The following DENND1B variants were observed in gnomAD, a reference collection of about 807,000 sequenced individuals.
DENND1B encodes the protein DENN domain containing 1B.
In DENND1B, 59 loss-of-function variants were observed where a neutral mutation model predicts 90.1. The ratio of observed to expected loss-of-function variants is 0.65; its 90% CI spans 0.53 to 0.81. DENND1B has a LOEUF of 0.81. DENND1B is among the 40% of genes least tolerant of loss of function. The probability of loss-of-function intolerance (pLI) is 0.00; values close to 1 mark genes in which losing one functional copy is unlikely to be tolerated. For synonymous variants in DENND1B, 337 were observed against 324.6 expected, an observed-to-expected ratio of 1.04 and a Z score of -0.41; for missense variants, 862 against 912.6, an observed-to-expected ratio of 0.94 and a Z score of 0.71.
intron 12 of DENND1B, among the ~76,000 whole-genome samples, chr1:197,609,844 C>A (rs1418779300): frequency 6.7e-6 from 1 of 150,278 alleles, no homozygotes; most frequent in Non-Finnish European, 1.5e-5. Flanking sequence ...GTTGTAATTG[C>A]CAGGCAAAAT....
rs147790254 is a variant in DENND1B at position 197,575,378 on chromosome 1, T to C, written c.1149+7774A>G. On this transcript the variant is annotated intron_variant, in intron 15 of 22. Transcript: ENST00000620048. ...AGAGAAATGCAAATCAAAACCACAATGAGATACCATCTCATGCCATTTAGA... is the reference window on the plus strand; with the variant it reads ...AGAGAAATGCAAATCAAAACCACAACGAGATACCATCTCATGCCATTTAGA... Among the ~76,000 whole-genome samples the C allele has an allele frequency of 5.3e-3, 812 of 152,214 alleles. 9 individuals are homozygous for C. The highest frequency in any genetic ancestry group is 0.019 in the African/African-American group (775 of 41,510).
intron 3 of DENND1B, among the ~76,000 whole-genome samples, chr1:197,692,438 G>T (rs1403556854): frequency 6.6e-6 from 1 of 151,756 alleles, no homozygotes; most frequent in Non-Finnish European, 1.5e-5. Context: ...TGTAGCCTCA[G>T]TATCAAGTTC....
intron 2 of DENND1B, among the ~76,000 whole-genome samples, chr1:197,762,297 C>T (rs552510710): frequency 2.6e-5 from 4 of 151,280 alleles, no homozygotes; most frequent in Admixed American, 6.6e-5. Context: ...GACGGAGTCT[C>T]GCTCTGTCGC....
chr1:197,580,582 G>GT (rs1674147542), intron 15 of DENND1B, among the ~76,000 whole-genome samples: 1 of 151,888 alleles, frequency 6.6e-6, no homozygotes, highest in African/African-American at 2.4e-5. Context: ...TTTAAATTTC[G>GT]TTTGAGTTTT....
At chr1:197,662,870 A>G (rs1487827425) in intron 5 of DENND1B, among the ~76,000 whole-genome samples, 1 of 152,078 alleles carries the variant, frequency 6.6e-6, no homozygotes, top group East Asian at 1.9e-4. Context: ...TAACATTCAG[A>G]GCATTACCTT....
intron 20 of DENND1B, among the ~76,000 whole-genome samples, chr1:197,522,449 G>A (rs1668843437): frequency 6.6e-6 from 1 of 152,012 alleles, no homozygotes; most frequent in South Asian, 2.1e-4. Context: ...AATTCTCCCA[G>A]TCCATAGTGA....
At chr1:197,551,873 G>C (rs1671268434) in intron 16 of DENND1B, among the ~76,000 whole-genome samples, 1 of 152,064 alleles carries the variant, frequency 6.6e-6, no homozygotes, top group Non-Finnish European at 1.5e-5. Flanking sequence ...AGGAAGCAAG[G>C]AGCTGAATGA....
intron 10 of DENND1B, among the ~76,000 whole-genome samples, chr1:197,632,336 T>G (rs1679399478): frequency 6.6e-6 from 1 of 152,122 alleles, no homozygotes; most frequent in Non-Finnish European, 1.5e-5. Context: ...GTCTGATTTC[T>G]CTCTCTCCCA....
intron 13 of DENND1B, among the ~76,000 whole-genome samples, chr1:197,598,231 A>G (rs995694161): frequency 5.3e-5 from 8 of 151,780 alleles, no homozygotes; most frequent in Non-Finnish European, 1.2e-4. Context: ...GACCTACTCT[A>G]GTGGGCTTCA....
At chr1:197,657,544 C>T (rs1186952676) in intron 6 of DENND1B, among the ~76,000 whole-genome samples, 3 of 152,018 alleles carry the variant, frequency 2.0e-5, no homozygotes, top group East Asian at 1.9e-4. Context: ...TTTGCACATA[C>T]ATTACAAAAC....
intron 4 of DENND1B, among the ~76,000 whole-genome samples, chr1:197,672,730 A>G (rs973308938): frequency 6.6e-6 from 1 of 152,052 alleles, no homozygotes; most frequent in African/African-American, 2.4e-5. Context: ...ATTTCCAAGT[A>G]TAAAATAAGA....
intron 14 of DENND1B, among the ~76,000 whole-genome samples, chr1:197,588,176 A>C (rs1674876900): frequency 6.6e-6 from 1 of 152,228 alleles, no homozygotes; most frequent in Non-Finnish European, 1.5e-5. Context: ...AATATCTGCT[A>C]GTTACTATAT....
chr1:197,747,585 C>T (rs1652873341), intron 2 of DENND1B: 1 of 177,274 alleles, frequency 5.6e-6, no homozygotes, highest in Non-Finnish European at 1.2e-5. Flanking sequence ...AAAAAAATGG[C>T]ACCAGTAGAC....
chr1:197,653,657 C>T (rs1434878731), intron 6 of DENND1B, among the ~76,000 whole-genome samples: 1 of 151,906 alleles, frequency 6.6e-6, no homozygotes, highest in Non-Finnish European at 1.5e-5. Flanking sequence ...CCCCTATTTC[C>T]TCTTCTCAGA....
intron 15 of DENND1B, among the ~76,000 whole-genome samples, chr1:197,562,157 A>T (rs1278549240): frequency 1.3e-5 from 2 of 151,880 alleles, no homozygotes; most frequent in South Asian, 4.1e-4. Flanking sequence ...ATTAGTTTTA[A>T]ATTATAATTT....
At position 197,510,187 on chromosome 1, in the gene DENND1B, G is replaced by A. The variant is rs1232765890; in HGVS notation, c.*273C>T. 8 of 376,660 alleles carry A rather than the reference G, an allele frequency of 2.1e-5. No homozygotes were observed. The highest frequency in any genetic ancestry group is 1.5e-4 in the East Asian group (3 of 19,862). The allele number at this position is 376,660 out of a possible 1,614,324, so 23.3% of individuals were successfully genotyped here. On this transcript the variant is annotated 3_prime_UTR_variant, in exon 23 of 23. Transcript: ENST00000620048. ...CATTCTTAGCTTAAATAAAATAAACGGCATTAAGCACCAAACACTGGGAAA... is the reference window on the plus strand; with the variant it reads ...CATTCTTAGCTTAAATAAAATAAACAGCATTAAGCACCAAACACTGGGAAA...
intron 2 of DENND1B, among the ~76,000 whole-genome samples, chr1:197,767,946 ACT>A (rs1448762144): frequency 6.6e-6 from 1 of 152,034 alleles, no homozygotes; most frequent in African/African-American, 2.4e-5. Context: ...TAAAATACAG[ACT>A]CTGGACAGAC....
At chr1:197,662,130 A>G (rs1654466596) in intron 5 of DENND1B, among the ~76,000 whole-genome samples, 1 of 152,020 alleles carries the variant, frequency 6.6e-6, no homozygotes, top group Non-Finnish European at 1.5e-5. Context: ...TTAAACTAAC[A>G]CTGTTTAGAA....
At chr1:197,610,090 G>GT (rs1677044549) in intron 12 of DENND1B, among the ~76,000 whole-genome samples, 1 of 150,598 alleles carries the variant, frequency 6.6e-6, no homozygotes, top group African/African-American at 2.4e-5. Context: ...AATTCCTGAA[G>GT]TCCCCAGTAT....
Sources: allele counts gnomAD v4.1 joint callset (sites outside exome capture counted in the v4.1 genomes callset), GRCh38; gene constraint gnomAD v4.1.1; transcripts MANE v1.5; gene names NCBI Gene and HGNC (gene_info 2026-07-23, HGNC 2026-07-21).